Variants in GRIFIN observed in about 807,000 individuals in gnomAD.
The protein encoded by GRIFIN is galectin-related inter-fiber protein, also known as putative grifin.
GRIFIN carries 22 observed loss-of-function variants against 18.2 expected under a neutral mutation model. That is an observed-to-expected ratio of 1.21 (90% CI 0.86 to 1.73). The LOEUF (loss-of-function observed/expected upper bound fraction) is 1.73. GRIFIN is among the 40% of genes most tolerant of loss of function. GRIFIN has a pLI of 0.00. For missense variants in GRIFIN, 200 were observed against 190.1 expected, an observed-to-expected ratio of 1.05 and a Z score of -0.31; for synonymous variants, 101 against 82.8, an observed-to-expected ratio of 1.22 and a Z score of -1.19.
In GRIFIN at chr7:2,475,200, G is replaced by C; in HGVS notation, c.360C>G (p.Arg120=). Residue 120 remains arginine (R), a synonymous_variant, in exon 4 of 5, where the codon CGC becomes CGG. Coordinates refer to ENST00000614228, the MANE Select transcript of GRIFIN (RefSeq NM_001394787.1). ...QRPLGATTRV[R]VLSDHCLAQV... ...GGGCCAGGCAGTGGTCACTCAGCAC[G>C]CGCACCCTGGTGGTGGCGCCCAGCG... 1 of 1,595,270 alleles carries C rather than the reference G, an allele frequency of 6.3e-7. No homozygotes were observed. Among genetic ancestry groups the C allele is most frequent in the African/African-American group, 1.3e-5 (1 of 74,958 alleles).
chr7:2,475,917 G>A lies in GRIFIN; in HGVS notation c.92+3C>T. On this transcript the variant is annotated splice_donor_region_variant and intron_variant, in intron 2 of 4. Coordinates refer to ENST00000614228, the MANE Select transcript of GRIFIN (RefSeq NM_001394787.1). The stretch of plus-strand genomic sequence containing the variant: ...CCAGCGAGGGGAGGGCGGTGCCGCT[G>A]ACCTGTCCTCTCCAGAGTCAGCATG... 1 of 1,598,158 alleles carries A rather than the reference G, an allele frequency of 6.3e-7. No individual in the cohort carries two copies. The highest frequency in any genetic ancestry group is 1.1e-5 in the South Asian group (1 of 91,012).
Position 2,475,264 on chromosome 7 carries a change from G to GTA in GRIFIN, c.295_296insTA (p.Pro99LeufsTer25). The GTA allele has an allele frequency of 6.3e-7, 1 of 1,596,828 alleles. No individual in the cohort carries two copies. The highest frequency in any genetic ancestry group is 8.5e-7 in the Non-Finnish European group (1 of 1,178,968). ...TGGGAACTGTAGCACCTTGTGCTCC[G>GTA]GGGCGTAGACGTGGAAGTGCTCCGC... On this transcript the variant is annotated frameshift_variant, in exon 4 of 5. Coordinates refer to ENST00000614228, the MANE Select transcript of GRIFIN (RefSeq NM_001394787.1). LOFTEE classifies it high-confidence loss of function.
Position 2,476,239 on chromosome 7 carries a change from A to C in GRIFIN, c.12+133T>G, listed in dbSNP as rs543503375. ...CAGCTCTGGGGGGACCTTCACCCTG[A>C]CGCCCTCTCAGCCCTGAGATCTGAT... is the stretch of plus-strand genomic sequence containing the variant. On this transcript the variant is annotated intron_variant, in intron 1 of 4. Coordinates refer to ENST00000614228, the MANE Select transcript of GRIFIN (RefSeq NM_001394787.1). 5 of 1,157,632 alleles carry C rather than the reference A, an allele frequency of 4.3e-6. No individual in the cohort carries two copies. The African/African-American group carries it at 7.7e-5, about 18-fold the overall frequency. The allele number at this position is 1,157,632 out of a possible 1,614,324, so 71.7% of individuals were successfully genotyped here.
chr7:2,475,288 G>C lies in GRIFIN; in HGVS notation c.272C>G (p.Ala91Gly). ...CGGGGCGTAGACGTGGAAGTGCTCC[G>C]CGTCCCAGCTGACCTCTATCTGGGC... ...EPFEIEVSWD[A>G]EHFHVYAPEH... Residue 91 changes from alanine to glycine, a missense_variant, in exon 4 of 5, where the codon GCG (alanine) becomes GGG (glycine). Coordinates refer to ENST00000614228, the MANE Select transcript of GRIFIN (RefSeq NM_001394787.1). 6.3e-7 allele frequency: 1 copy of C among 1,594,878 alleles called. No homozygotes were observed. The highest frequency in any genetic ancestry group is 1.7e-5 in the Admixed American group (1 of 59,464).
At chr7:2,475,544 G>GC (rs5881925) in intron 3 of GRIFIN, 125 bp downstream of exon 3, 1,292,536 of 1,292,660 alleles carry the variant, frequency 1, 646,207 homozygotes, top group Middle Eastern at 1. Flanking sequence ...GGCCAGGGAG[G>GC]CCACCCAGAC....
Position 2,475,688 on chromosome 7 carries a change from G to T in GRIFIN, c.233C>A (p.Ala78Asp). Reference sequence around the variant, plus strand: ...TGTCACCTCAAAGGGCTCCCCCGGGGCCAGCGGGAAGATGCTAGACACCTG... The same window carrying T: ...TGTCACCTCAAAGGGCTCCCCCGGGTCCAGCGGGAAGATGCTAGACACCTG... ...PEQVSSIFPLAPGEPFEIEVS... is the reference protein window; with the variant it reads ...PEQVSSIFPLDPGEPFEIEVS... The change falls in exon 3 of 5, where the codon GCC becomes GAC. Residue 78 changes from alanine to aspartate, a missense_variant. Ala to Asp is a moderately radical substitution (Grantham distance 126). Coordinates refer to ENST00000614228, the MANE Select transcript of GRIFIN (RefSeq NM_001394787.1). The T allele has an allele frequency of 1.3e-6, 2 of 1,523,974 alleles. No homozygotes were observed. Among genetic ancestry groups the T allele is most frequent in the Non-Finnish European group, 1.8e-6 (2 of 1,136,244 alleles). 94.4% of individuals were successfully genotyped at this position (1,523,974 alleles called of 1,614,324 possible).
intron 4 of GRIFIN, 34 bp downstream of exon 4, chr7:2,475,107 T>C (rs1562535074): frequency 6.5e-7 from 1 of 1,547,902 alleles, no homozygotes; most frequent in Non-Finnish European, 8.7e-7. Context: ...GGGGCAGGAA[T>C]GGGCAGGGAC....
In GRIFIN at chr7:2,476,398, T is replaced by C. The variant is rs1339606390; in HGVS notation, c.-15A>G. 2 of 1,530,858 alleles carry C rather than the reference T, an allele frequency of 1.3e-6. No individual in the cohort carries two copies. Among genetic ancestry groups the C allele is most frequent in the Non-Finnish European group, 8.7e-7 (1 of 1,144,144 alleles). 94.8% of individuals were successfully genotyped at this position (1,530,858 alleles called of 1,614,324 possible). A position where few individuals can be genotyped will look rare whatever the true frequency, so the allele number is the denominator to read the frequency against. On this transcript the variant is annotated 5_prime_UTR_variant, in exon 1 of 5. Transcript: ENST00000614228. ...TGCACTGCCATCTGCTCCCAGCCAC[T>C]GTGGGAGGGCGCGGGGAGCCTGGGG...
intron 3 of GRIFIN, 108 bp downstream of exon 3, chr7:2,475,561 C>T (rs1021993613): frequency 5.0e-6 from 7 of 1,391,256 alleles, no homozygotes; most frequent in African/African-American, 1.5e-5. Flanking sequence ...AGACCTTGCC[C>T]TGGCCCACTG....
chr7:2,475,526 G>A, intron 3 of GRIFIN, 143 bp downstream of exon 3: 3 of 1,171,464 alleles, frequency 2.6e-6, no homozygotes, highest in Non-Finnish European at 3.4e-6. Flanking sequence ...CACACGTAGG[G>A]AAACTGAGGC....
chr7:2,475,363 T>TC (rs1156482210), intron 3 of GRIFIN, 56 bp from the exon 4 acceptor site: 1 of 1,530,724 alleles, frequency 6.5e-7, no homozygotes, highest in East Asian at 2.4e-5. Context: ...TGGGGTCTGG[T>TC]CCCGCTTTTA....
rs777122037 is a variant in GRIFIN at position 2,475,209 on chromosome 7, G to C, written c.351C>G (p.Thr117=). 22 of 1,595,944 alleles carry C rather than the reference G, an allele frequency of 1.4e-5. No homozygotes were observed. The highest frequency in any genetic ancestry group is 1.6e-5 in the Non-Finnish European group (19 of 1,178,608). The part of the protein sequence containing the change: ...PCRQRPLGAT[T]RVRVLSDHCL... ...AGTGGTCACTCAGCACGCGCACCCT[G>C]GTGGTGGCGCCCAGCGGCCTCTGAC... Residue 117 remains threonine, a synonymous_variant, in exon 4 of 5, where the codon ACC becomes ACG. Transcript: ENST00000614228.
Position 2,475,202 on chromosome 7 carries a change from G to T in GRIFIN, c.358C>A (p.Arg120Ser). 6.3e-7 allele frequency: 1 copy of T among 1,594,998 alleles called. No homozygotes were observed. The highest frequency in any genetic ancestry group is 1.3e-5 in the African/African-American group (1 of 74,948). The change falls in exon 4 of 5, where the codon CGC becomes AGC. Residue 120 changes from arginine (R) to serine (S), a missense_variant. Transcript: ENST00000614228. ...QRPLGATTRV[R>S]VLSDHCLAQV... is the part of the protein sequence containing the mutation. ...GCCAGGCAGTGGTCACTCAGCACGCGCACCCTGGTGGTGGCGCCCAGCGGC... is the reference window on the plus strand; with the variant it reads ...GCCAGGCAGTGGTCACTCAGCACGCTCACCCTGGTGGTGGCGCCCAGCGGC...
chr7:2,476,051 T>TCCCACC (rs1381376742), intron 1 of GRIFIN, 52 bp from the exon 2 acceptor site: 114 of 1,291,294 alleles, frequency 8.8e-5, no homozygotes, highest in Middle Eastern at 8.2e-4. Flanking sequence ...GCCTCCTCCC[T>TCCCACC]CCCACCCCCA....
chr7:2,475,929 CCA>C lies in GRIFIN; in HGVS notation c.81_82del (p.Gly28ArgfsTer7). On this transcript the variant is annotated frameshift_variant, in exon 2 of 5. Transcript: ENST00000614228. LOFTEE classifies it high-confidence loss of function. ...GGGCGGTGCCGCTGACCTGTCCTCT[CCA>C]GAGTCAGCATGTCCCTGGACCAGCA... 1 of 1,598,360 alleles carries C rather than the reference CCA, an allele frequency of 6.3e-7. No homozygotes were observed. Among genetic ancestry groups the C allele is most frequent in the Non-Finnish European group, 8.5e-7 (1 of 1,179,652 alleles).
intron 1 of GRIFIN, 164 bp downstream of exon 1, chr7:2,476,208 G>T (rs1316944646): frequency 2.0e-5 from 9 of 441,440 alleles, no homozygotes; most frequent in African/African-American, 1.5e-4. Flanking sequence ...CACCTGCCCA[G>T]CAGGCCAGCT....
chr7:2,474,840 C>G lies in GRIFIN; in HGVS notation c.*30G>C. 2.0e-6 allele frequency: 1 copy of G among 494,708 alleles called. No homozygotes were observed. Among genetic ancestry groups the G allele is most frequent in the South Asian group, 4.1e-5 (1 of 24,652 alleles). The allele number at this position is 494,708 out of a possible 1,614,324, so 30.6% of individuals were successfully genotyped here. A position where few individuals can be genotyped will look rare whatever the true frequency, so the allele number is the denominator to read the frequency against. The stretch of plus-strand genomic sequence containing the variant: ...CAGGTACCCTGGACATGGGACAAGC[C>G]GAGGCTGGCTCCTGGGGTGCAGGTG... On this transcript the variant is annotated 3_prime_UTR_variant, in exon 5 of 5. Transcript: ENST00000614228.
In GRIFIN at chr7:2,475,190, C is replaced by T; in HGVS notation, c.370G>A (p.Asp124Asn). ...GATTRVRVLS[D>N]HCLAQVELAK... ...AGCTCCACCTGGGCCAGGCAGTGGT[C>T]ACTCAGCACGCGCACCCTGGTGGTG... The change falls in exon 4 of 5, where the codon GAC becomes AAC. Residue 124 changes from aspartate (D) to asparagine (N), a missense_variant. Coordinates refer to ENST00000614228, the MANE Select transcript of GRIFIN (RefSeq NM_001394787.1). The T allele has an allele frequency of 6.3e-7, 1 of 1,593,982 alleles. No individual in the cohort carries two copies.
chr7:2,475,978 C>T lies in GRIFIN; in HGVS notation c.34G>A (p.Gly12Ser), dbSNP rs759037444. 34 of 1,597,972 alleles carry T rather than the reference C, an allele frequency of 2.1e-5. No homozygotes were observed. In the East Asian group the frequency reaches 4.0e-4, roughly 19 times the overall value. The change falls in exon 2 of 5, where the codon GGC becomes AGC. Residue 12 changes from glycine (G) to serine (S), a missense_variant. Gly to Ser is a moderately conservative substitution (Grantham distance 56). Transcript: ENST00000614228. ...AGCAGCTTCCAGCCGGGGGCCAGGC[C>T]GCCCGCACAGAAGGCTTTAGACTGA... The part of the protein sequence containing the change: ...AVQSKAFCAG[G>S]LAPGWKLLVQ...
Sources: allele counts gnomAD v4.1 joint callset, GRCh38; gene constraint gnomAD v4.1.1; transcripts MANE v1.5; gene names NCBI Gene and HGNC (gene_info 2026-07-23, HGNC 2026-07-21).